The following RAB40A variants were observed in gnomAD, a reference collection of about 807,000 sequenced individuals.
The protein encoded by RAB40A is ras-related protein Rab-40A.
For missense variants in RAB40A, 145 were observed against 230.2 expected, an observed-to-expected ratio of 0.63 and a Z score of 2.40; for synonymous variants, 65 against 99.9, an observed-to-expected ratio of 0.65 and a Z score of 2.08.
downstream of RAB40A, among the ~76,000 whole-genome samples, chrX:103,494,585 T>C (rs954409255): frequency 1.8e-5 from 2 of 112,263 alleles, no homozygotes; most frequent in Admixed American, 9.4e-5. Flanking sequence ...TTAACTGATA[T>C]TGATTTAATT....
At chrX:103,511,512 G>GA (rs745838915) in intron 2 of RAB40A, among the ~76,000 whole-genome samples, 14,505 of 90,525 alleles carry the variant, frequency 0.16, 2,900 homozygotes, top group African/African-American at 0.53. Flanking sequence ...CAAAAAAAAA[G>GA]AAAAAAAAAA....
chrX:103,495,702 C>T (rs934068792), downstream of RAB40A, among the ~76,000 whole-genome samples: 1 of 112,226 alleles, frequency 8.9e-6, no homozygotes, highest in African/African-American at 3.2e-5. Context: ...GAATATACCA[C>T]ATTTTATCCA....
intron 2 of RAB40A, among the ~76,000 whole-genome samples, chrX:103,512,670 T>C (rs988161554): frequency 7.1e-5 from 8 of 111,939 alleles, no homozygotes; most frequent in African/African-American, 2.6e-4. Context: ...TTTTAATTTG[T>C]TAGCATGAGT....
chrX:103,519,202 T>G (rs2073330395), intron 1 of RAB40A, among the ~76,000 whole-genome samples, 168 bp downstream of exon 1: 2 of 112,039 alleles, frequency 1.8e-5, no homozygotes, highest in Non-Finnish European at 3.8e-5. Flanking sequence ...ATTTTTTTAT[T>G]ATACTTTTAA....
chrX:103,500,749 G>A lies in RAB40A; in HGVS notation c.8C>T (p.Ala3Val). 1.7e-6 allele frequency: 2 copies of A among 1,209,633 alleles called. No homozygotes were observed. Among genetic ancestry groups the A allele is most frequent in the Non-Finnish European group, 2.2e-6 (2 of 894,342 alleles). MS[A>V]PGSPDQAYDF... is the part of the protein sequence containing the mutation. Reference sequence around the variant, plus strand: ...ATAGGCCTGGTCGGGGCTGCCCGGGGCGCTCATGGTGCTGGCCCCGCACTC... The same window carrying A: ...ATAGGCCTGGTCGGGGCTGCCCGGGACGCTCATGGTGCTGGCCCCGCACTC... The change falls in exon 3 of 3, where the codon GCC becomes GTC. Residue 3 changes from alanine (A) to valine (V), a missense_variant. Transcript: ENST00000304236.
intron 2 of RAB40A, among the ~76,000 whole-genome samples, chrX:103,511,957 G>T (rs1277397561): frequency 9.0e-6 from 1 of 111,605 alleles, no homozygotes; most frequent in African/African-American, 3.3e-5. Context: ...ACTAAAGACA[G>T]AGACACACAG....
intron 2 of RAB40A, chrX:103,503,234 C>T: frequency 1.3e-6 from 1 of 753,747 alleles, no homozygotes; most frequent in South Asian, 6.8e-5. Context: ...CACCAGGTAG[C>T]ACTGACAGGG....
At chrX:103,516,138 G>A (rs1603137367) in intron 2 of RAB40A, among the ~76,000 whole-genome samples, 1 of 111,806 alleles carries the variant, frequency 8.9e-6, no homozygotes, top group Non-Finnish European at 1.9e-5. Flanking sequence ...TTCCTAAGCT[G>A]GACTAATTTC....
In RAB40A at chrX:103,509,929, C is replaced by T. The variant is rs772985279; in HGVS notation, c.-71+7445G>A. On this transcript the variant is annotated intron_variant, in intron 2 of 2. Transcript: ENST00000304236. ...CAAGCGATTCTCCTGCCTCAGCCTC[C>T]TGAGTAGCTGGGATTACAGGCATGT... is the stretch of plus-strand genomic sequence containing the variant. Among the ~76,000 whole-genome samples the T allele has an allele frequency of 1.1e-3, 121 of 109,763 alleles. 1 individual carries two copies. Among genetic ancestry groups the T allele is most frequent in the African/African-American group, 3.8e-3 (115 of 30,062 alleles).
chrX:103,505,117 T>C (rs1185906969), intron 2 of RAB40A, among the ~76,000 whole-genome samples: 4 of 112,402 alleles, frequency 3.6e-5, no homozygotes, highest in South Asian at 3.7e-4. Context: ...CCTGAAATTA[T>C]ACTTTTTTGT....
At chrX:103,509,289 A>ATCTCTCTCTCTCTCTCTCTC (rs373450734) in intron 2 of RAB40A, among the ~76,000 whole-genome samples, 1 of 86,113 alleles carries the variant, frequency 1.2e-5, no homozygotes, top group African/African-American at 4.3e-5. Context: ...CAGCCACAGG[A>ATCTCTCTCTCTCTCTCTCTC]TCTCTCTCTC....
downstream of RAB40A, among the ~76,000 whole-genome samples, chrX:103,498,801 A>G (rs765325201): frequency 4.4e-5 from 5 of 112,390 alleles, no homozygotes; most frequent in African/African-American, 1.6e-4. Context: ...GAGTACAAGG[A>G]CTTATATTTA....
rs943111455 is a variant in RAB40A at position 103,499,469 on chromosome X, A to T, written c.*454T>A. The T allele has an allele frequency of 5.3e-6, 1 of 189,912 alleles. No individual in the cohort carries two copies. The highest frequency in any genetic ancestry group is 9.9e-6 in the Non-Finnish European group (1 of 100,997). The allele number at this position is 189,912 out of a possible 1,213,427, so 15.7% of individuals were successfully genotyped here. A position where few individuals can be genotyped will look rare whatever the true frequency, so the allele number is the denominator to read the frequency against. On this transcript the variant is annotated 3_prime_UTR_variant, in exon 3 of 3. Coordinates refer to ENST00000304236, the MANE Select transcript of RAB40A (RefSeq NM_080879.3). ...GTGTTTTATAAATTGGTGCTTTGAC[A>T]TTAAAAAGGAGGTTTACAAAAAGGC...
At position 103,499,242 on chromosome X, in the gene RAB40A, G is replaced by C. The variant is rs1339162054; in HGVS notation, c.*681C>G. On this transcript the variant is annotated 3_prime_UTR_variant, in exon 3 of 3. Transcript: ENST00000304236. ...ATATTGGCTATGTTCAACATAACTA[G>C]AGATATCTTTGGTGTTTTCCTCCCT... is the stretch of plus-strand genomic sequence containing the variant. The C allele has an allele frequency of 8.3e-6, 1 of 121,119 alleles. No individual in the cohort carries two copies. Among genetic ancestry groups the C allele is most frequent in the Non-Finnish European group, 1.9e-5 (1 of 53,738 alleles). 10.0% of individuals were successfully genotyped at this position (121,119 alleles called of 1,213,427 possible).
Position 103,500,352 on chromosome X carries a change from C to T in RAB40A, c.405G>A (p.Gln135=). Residue 135 remains glutamine (Q), a synonymous_variant, in exon 3 of 3, where the codon CAG becomes CAA. Transcript: ENST00000304236. ...AGGCCTGGGCCTGCTCCCTGGGCAC[C>T]TGCCTCTTGAATGCCAGATGTAGGC... The part of the protein sequence containing the change: ...GNRLHLAFKR[Q]VPREQAQAYA... 8.3e-7 allele frequency: 1 copy of T among 1,211,872 alleles called. No homozygotes were observed. Among genetic ancestry groups the T allele is most frequent in the Non-Finnish European group, 1.1e-6 (1 of 895,467 alleles).
At chrX:103,514,040 T>C (rs1202426022) in intron 2 of RAB40A, among the ~76,000 whole-genome samples, 2 of 111,689 alleles carry the variant, frequency 1.8e-5, no homozygotes, top group Non-Finnish European at 3.8e-5. Flanking sequence ...GTGCTCTCTA[T>C]AGCATGTAAA....
downstream of RAB40A, among the ~76,000 whole-genome samples, chrX:103,494,152 T>C (rs1490627534): frequency 8.9e-6 from 1 of 112,438 alleles, no homozygotes; most frequent in Non-Finnish European, 1.9e-5. Flanking sequence ...TGATATCTTG[T>C]TGTAGTTTGG....
intron 2 of RAB40A, chrX:103,502,273 C>T (rs983894604): frequency 4.1e-5 from 5 of 122,819 alleles, no homozygotes; most frequent in African/African-American, 1.6e-4. Context: ...TAGATTAATT[C>T]CAGATTTAGC....
the RAB40A span, among the ~76,000 whole-genome samples, chrX:103,493,592 C>T: frequency 8.9e-6 from 1 of 111,832 alleles, no homozygotes; most frequent in Non-Finnish European, 1.9e-5. Context: ...CACCATCCTT[C>T]CCAGCCTCTA....
Sources: allele counts gnomAD v4.1 joint callset (sites outside exome capture counted in the v4.1 genomes callset), GRCh38; gene constraint gnomAD v4.1.1; transcripts MANE v1.5; gene names NCBI Gene and HGNC (gene_info 2026-07-23, HGNC 2026-07-21).